The following DISC1 variants were observed in gnomAD, a reference collection of about 807,000 sequenced individuals.
DISC1 encodes the protein disrupted in schizophrenia 1 protein.
DISC1 carries 57 observed loss-of-function variants against 84.5 expected under a neutral mutation model. The observed-to-expected ratio is 0.67, with a 90% CI of 0.55 to 0.84. The LOEUF (loss-of-function observed/expected upper bound fraction) is 0.84, where lower values mean the gene tolerates loss of function less well. Ranked by LOEUF, DISC1 falls within the 40% of genes least tolerant of loss-of-function variation. DISC1 has a pLI of 0.00. For synonymous variants in DISC1, 411 were observed against 415.2 expected (o/e 0.99, Z 0.12); for missense variants, 1,000 against 1,057.8 (o/e 0.95, Z 0.76).
chr1:231,929,901 G>T (rs556818089), intron 9 of DISC1, among the ~76,000 whole-genome samples: 4 of 152,198 alleles, frequency 2.6e-5, no homozygotes, highest in Non-Finnish European at 4.4e-5. Flanking sequence ...GTTAAGGGGT[G>T]AGGGATTGCA....
intron 9 of DISC1, among the ~76,000 whole-genome samples, chr1:231,928,586 CG>C (rs2090480584): frequency 6.6e-6 from 1 of 152,098 alleles, no homozygotes; most frequent in African/African-American, 2.4e-5. Context: ...ATTTACTTCT[CG>C]TCCTCTGCTA....
At chr1:231,719,967 G>C (rs937573457) in intron 3 of DISC1, among the ~76,000 whole-genome samples, 2 of 152,180 alleles carry the variant, frequency 1.3e-5, no homozygotes, top group Non-Finnish European at 2.9e-5. Context: ...TTTTCCACTT[G>C]ACCTTTATAC....
At chr1:231,677,475 G>C (rs2063269349) in intron 1 of DISC1, among the ~76,000 whole-genome samples, 1 of 152,220 alleles carries the variant, frequency 6.6e-6, no homozygotes, top group South Asian at 2.1e-4. Context: ...CTCGGGGAAA[G>C]ACACTAAAAT....
At chr1:231,857,129 G>A (rs2084326901) in intron 9 of DISC1, among the ~76,000 whole-genome samples, 1 of 152,168 alleles carries the variant, frequency 6.6e-6, no homozygotes, top group Non-Finnish European at 1.5e-5. Context: ...TTGGGTTCAA[G>A]CCTGCTGGGA....
intron 9 of DISC1, among the ~76,000 whole-genome samples, chr1:231,957,933 AG>A (rs1015937892): frequency 1.3e-5 from 2 of 152,196 alleles, no homozygotes; most frequent in African/African-American, 2.4e-5. Flanking sequence ...CCAACTTTAG[AG>A]TACATGAGCC....
At chr1:231,916,040 T>G (rs1280292297) in intron 9 of DISC1, among the ~76,000 whole-genome samples, 1 of 152,046 alleles carries the variant, frequency 6.6e-6, no homozygotes, top group East Asian at 1.9e-4. Flanking sequence ...TTACGAAGAG[T>G]AGCTCTTTTC....
At chr1:231,969,566 A>G (rs559305641) in intron 10 of DISC1, among the ~76,000 whole-genome samples, 1 of 148,356 alleles carries the variant, frequency 6.7e-6, no homozygotes, top group South Asian at 2.2e-4. Context: ...TGGGGTGAAG[A>G]TACTCCAATA....
At chr1:231,833,395 C>T (rs1379864727) in intron 9 of DISC1, among the ~76,000 whole-genome samples, 5 of 151,594 alleles carry the variant, frequency 3.3e-5, no homozygotes, top group Admixed American at 2.6e-4. Flanking sequence ...GACTTACCCT[C>T]CACTGTGAGA....
chr1:231,809,192 C>T (rs2080027447), intron 8 of DISC1, among the ~76,000 whole-genome samples: 2 of 152,278 alleles, frequency 1.3e-5, no homozygotes, highest in South Asian at 2.1e-4. Flanking sequence ...GGTGTGGTTT[C>T]CTTCTAATGC....
chr1:231,725,576 A>G (rs760498211), intron 3 of DISC1, among the ~76,000 whole-genome samples: 8 of 152,126 alleles, frequency 5.3e-5, no homozygotes, highest in Non-Finnish European at 1.0e-4. Flanking sequence ...TATGTTGCTG[A>G]CTCTGCATTG....
chr1:231,689,293 G>A (rs193202779), intron 1 of DISC1, among the ~76,000 whole-genome samples: 62 of 152,074 alleles, frequency 4.1e-4, no homozygotes, highest in African/African-American at 1.3e-3. Context: ...ATTGGGGTAC[G>A]GGGCAGCCAA....
chr1:232,024,495 C>T lies in DISC1; in HGVS notation c.2308-1940C>T, dbSNP rs114448923. Among the ~76,000 whole-genome samples the T allele has an allele frequency of 7.9e-3, 1,196 of 152,130 alleles. 16 individuals are homozygous for T. Among genetic ancestry groups the T allele is most frequent in the African/African-American group, 0.027 (1,118 of 41,490 alleles). On this transcript the variant is annotated intron_variant, in intron 11 of 12. Coordinates refer to ENST00000439617, the MANE Select transcript of DISC1 (RefSeq NM_018662.3). ...CAGACTTTTTAACAGTGACTATTAC[C>T]GCACCTGGGCATTTTGTTGTTATTG...
intron 1 of DISC1, among the ~76,000 whole-genome samples, chr1:231,641,248 A>G (rs964040297): frequency 2.0e-5 from 3 of 152,200 alleles, no homozygotes; most frequent in Admixed American, 6.5e-5. Flanking sequence ...GGTGAGTGTT[A>G]CAGTTCTTAA....
chr1:231,645,572 A>G (rs1326652811), intron 1 of DISC1, among the ~76,000 whole-genome samples: 1 of 151,558 alleles, frequency 6.6e-6, no homozygotes, highest in African/African-American at 2.4e-5. Flanking sequence ...CACAACATGC[A>G]GGTTTGTTAC....
At chr1:231,890,330 A>C (rs200108824) in intron 9 of DISC1, among the ~76,000 whole-genome samples, 2 of 152,220 alleles carry the variant, frequency 1.3e-5, no homozygotes, top group Non-Finnish European at 2.9e-5. Flanking sequence ...ATGAAATCAT[A>C]TACTGAGCAT....
At position 231,781,331 on chromosome 1, in the gene DISC1, T is replaced by C. The variant is rs368821208; in HGVS notation, c.1634+10261T>C. Among the ~76,000 whole-genome samples the C allele has an allele frequency of 2.2e-4, 33 of 152,284 alleles. No homozygotes were observed. In the East Asian group the frequency reaches 6.2e-3, roughly 28 times the overall value. Reference sequence around the variant, plus strand: ...TTACAAATTCTCTGGGCTTGTTTTCTTTAAGAAGCTTACAACATGAGTCTA... The same window carrying C: ...TTACAAATTCTCTGGGCTTGTTTTCCTTAAGAAGCTTACAACATGAGTCTA... On this transcript the variant is annotated intron_variant, in intron 6 of 12. Transcript: ENST00000439617.
chr1:231,775,667 A>G (rs2076909978), intron 6 of DISC1, among the ~76,000 whole-genome samples: 1 of 152,018 alleles, frequency 6.6e-6, no homozygotes, highest in South Asian at 2.1e-4. Context: ...GGAAGCTGAC[A>G]GAGCAGGGGT....
intron 1 of DISC1, among the ~76,000 whole-genome samples, chr1:231,677,551 T>G (rs2063276137): frequency 2.6e-5 from 4 of 152,372 alleles, no homozygotes; most frequent in Middle Eastern, 3.4e-3. Flanking sequence ...AAACATTTCA[T>G]GATTTTATTG....
chr1:231,647,749 T>C (rs1351265624), intron 1 of DISC1, among the ~76,000 whole-genome samples: 1 of 152,234 alleles, frequency 6.6e-6, no homozygotes, highest in East Asian at 1.9e-4. Flanking sequence ...CAGTAGTTTG[T>C]AGTTCTCCTT....
Sources: gnomAD v4.1 joint callset for allele counts (sites outside exome capture counted in the v4.1 genomes callset) on GRCh38, gnomAD v4.1.1 for gene constraint, MANE v1.5 for transcripts, NCBI Gene and HGNC (gene_info 2026-07-23, HGNC 2026-07-21) for gene names.